The following FBXO34 variants were observed in gnomAD, a reference collection of about 807,000 sequenced individuals.
FBXO34 encodes F-box only protein 34.
FBXO34 carries 12 observed loss-of-function variants against 24.5 expected under a neutral mutation model. That is an observed-to-expected ratio of 0.49 (90% CI 0.31 to 0.79). FBXO34 has a LOEUF of 0.79. Ranked by LOEUF, FBXO34 falls within the 30% of genes least tolerant of loss-of-function variation. The pLI is 0.04. For missense variants in FBXO34, 823 were observed against 857.7 expected, an observed-to-expected ratio of 0.96 and a Z score of 0.51; for synonymous variants, 320 against 311.9, an observed-to-expected ratio of 1.03 and a Z score of -0.27.
At chr14:55,362,709 T>C (rs1398167901), downstream of FBXO34, among the ~76,000 whole-genome samples, 1 of 152,232 alleles carries the variant, frequency 6.6e-6, no homozygotes, top group Non-Finnish European at 1.5e-5. Flanking sequence ...TACTCTCTGC[T>C]CCTATCGTTC....
chr14:55,437,403 G>A, the FBXO34 span, among the ~76,000 whole-genome samples: 1 of 152,208 alleles, frequency 6.6e-6, no homozygotes, highest in South Asian at 2.1e-4. Flanking sequence ...TCTTGAACCT[G>A]GGAGGCAGAG....
chr14:55,435,251 T>A, the FBXO34 span, among the ~76,000 whole-genome samples: 10,271 of 151,940 alleles, frequency 0.068, 391 homozygotes, highest in Non-Finnish European at 0.088. Context: ...CATTTTAAGA[T>A]AGTTAGCATC....
intron 1 of FBXO34, among the ~76,000 whole-genome samples, chr14:55,323,017 C>CAAAAAAAAAAA (rs1444620301): frequency 1.2e-4 from 5 of 40,876 alleles, no homozygotes; most frequent in African/African-American, 5.1e-4. Flanking sequence ...ACTAAAAATA[C>CAAAAAAAAAAA]AAAAAAAAAA....
intron 1 of FBXO34, among the ~76,000 whole-genome samples, chr14:55,297,013 A>G (rs1406498962): frequency 1.3e-5 from 2 of 152,174 alleles, no homozygotes; most frequent in Non-Finnish European, 2.9e-5. Flanking sequence ...AGAATCTACA[A>G]TTGTAGGAAG....
chr14:55,355,709 C>T (rs915198746), downstream of FBXO34, among the ~76,000 whole-genome samples: 1 of 152,352 alleles, frequency 6.6e-6, no homozygotes, highest in South Asian at 2.1e-4. Context: ...TACCGAGGGA[C>T]CACTGTGGAG....
chr14:55,397,728 G>A, the FBXO34 span, among the ~76,000 whole-genome samples: 1 of 152,242 alleles, frequency 6.6e-6, no homozygotes, highest in East Asian at 1.9e-4. Context: ...GAACACTAAA[G>A]TGAATTTGAA....
the FBXO34 span, among the ~76,000 whole-genome samples, chr14:55,412,834 A>T: frequency 6.6e-6 from 1 of 152,204 alleles, no homozygotes; most frequent in East Asian, 1.9e-4. Flanking sequence ...AAAGTGTTGG[A>T]AACTGACTTC....
Position 55,351,939 on chromosome 14 carries a change from G to T in FBXO34, c.1549G>T (p.Gly517Cys). ...EASQLEDAAG[G>C]DSASEEKSGS... ...CAGCCAGCTTGAAGATGCTGCTGGG[G>T]GTGACAGTGCATCTGAGGAAAAAAG... Residue 517 changes from glycine to cysteine, a missense_variant, in exon 2 of 2, where the codon GGT (glycine) becomes TGT (cysteine). By Grantham distance (159) the Gly-to-Cys change is radical. Transcript: ENST00000313833. 6.2e-7 allele frequency: 1 copy of T among 1,614,140 alleles called. No homozygotes were observed. Among genetic ancestry groups the T allele is most frequent in the Non-Finnish European group, 8.5e-7 (1 of 1,180,026 alleles).
At chr14:55,411,878 C>T in the FBXO34 span, 1 of 1,490,002 alleles carries the variant, frequency 6.7e-7, no homozygotes, top group Non-Finnish European at 9.1e-7. Flanking sequence ...CGGGTGCATT[C>T]TGGGCCAGGA....
intron 1 of FBXO34, among the ~76,000 whole-genome samples, chr14:55,288,704 T>G (rs1881844462): frequency 6.6e-6 from 1 of 152,184 alleles, no homozygotes. Flanking sequence ...GACGATTTGA[T>G]TTAGCTAGCT....
chr14:55,350,160 TAA>T (rs60811559), intron 1 of FBXO34, among the ~76,000 whole-genome samples: 24 of 139,026 alleles, frequency 1.7e-4, no homozygotes, highest in Admixed American at 2.2e-4. Flanking sequence ...TTATTTTCTG[TAA>T]AAAAAAAAAA....
At chr14:55,281,803 C>T (rs942261793) in intron 1 of FBXO34, among the ~76,000 whole-genome samples, 2 of 152,106 alleles carry the variant, frequency 1.3e-5, no homozygotes, top group Admixed American at 6.6e-5. Flanking sequence ...CTTTGTTTCA[C>T]GTGTAATGAG....
chr14:55,391,724 A>C, the FBXO34 span, among the ~76,000 whole-genome samples: 4 of 152,176 alleles, frequency 2.6e-5, no homozygotes, highest in African/African-American at 9.7e-5. Flanking sequence ...TGGACTGGAC[A>C]GCGCAGATAC....
the FBXO34 span, among the ~76,000 whole-genome samples, chr14:55,381,224 C>T: frequency 6.6e-6 from 1 of 152,166 alleles, no homozygotes; most frequent in African/African-American, 2.4e-5. Context: ...CAGCACCCAG[C>T]AATGTGCATG....
rs1368455644 is a variant in FBXO34 at position 55,331,685 on chromosome 14, G to GTA, written c.-10-18695_-10-18694insAT. 2.4e-3 allele frequency among the ~76,000 whole-genome samples: 78 copies of GTA among 31,884 alleles called. 17 individuals carry two copies. The highest frequency in any genetic ancestry group is 0.042 in the Middle Eastern group (2 of 48). 20.9% of individuals were successfully genotyped at this position (31,884 alleles called of 152,430 possible). A position where few individuals can be genotyped will look rare whatever the true frequency, so the allele number is the denominator to read the frequency against. ...ACATGGTGTGTGTATATATATATAT[G>GTA]TGTATATATATATATATATGTATAT... is the stretch of plus-strand genomic sequence containing the variant. On this transcript the variant is annotated intron_variant, in intron 1 of 1. Coordinates refer to ENST00000313833, the MANE Select transcript of FBXO34 (RefSeq NM_017943.4).
At chr14:55,377,963 T>G in the FBXO34 span, 7 of 1,599,634 alleles carry the variant, frequency 4.4e-6, no homozygotes, top group African/African-American at 1.3e-5. Context: ...TAAAAATTAG[T>G]TCACAACCTA....
intron 1 of FBXO34, among the ~76,000 whole-genome samples, chr14:55,314,201 A>G (rs890519494): frequency 1.3e-5 from 2 of 152,142 alleles, no homozygotes; most frequent in African/African-American, 4.8e-5. Context: ...ATGAGCCACA[A>G]TGCCCAGCCC....
At chr14:55,428,279 G>A in the FBXO34 span, among the ~76,000 whole-genome samples, 504 of 151,824 alleles carry the variant, frequency 3.3e-3, 6 homozygotes, top group South Asian at 0.035. Flanking sequence ...ACAGGCGCCC[G>A]CTGCCACGCC....
Position 55,343,457 on chromosome 14 carries a change from G to A in FBXO34, c.-10-6924G>A, listed in dbSNP as rs990406990. On this transcript the variant is annotated intron_variant, in intron 1 of 1. Transcript: ENST00000313833. ...GTAGAGATGGTGTTTCATCATGTTG[G>A]CCAGGCTGGTCTCGAACTCCTGACC... 2.0e-5 allele frequency among the ~76,000 whole-genome samples: 3 copies of A among 151,988 alleles called. No individual in the cohort carries two copies. The South Asian group carries it at 6.2e-4, about 32-fold the overall frequency.
Sources: gnomAD v4.1 joint callset for allele counts (sites outside exome capture counted in the v4.1 genomes callset) on GRCh38, gnomAD v4.1.1 for gene constraint, MANE v1.5 for transcripts, NCBI Gene and HGNC (gene_info 2026-07-23, HGNC 2026-07-21) for gene names.